The following RANBP2 variants were observed in gnomAD, a reference collection of about 807,000 sequenced individuals.
RANBP2 encodes the protein RAN binding protein 2.
Under a neutral mutation model 303.6 loss-of-function variants are expected in RANBP2, and 57 were observed. The observed-to-expected ratio is 0.19, with a 90% CI of 0.15 to 0.23. The LOEUF (loss-of-function observed/expected upper bound fraction) is 0.23, where lower values mean the gene tolerates loss of function less well. RANBP2 is among the 10% of genes least tolerant of loss of function. The pLI, the probability that RANBP2 is intolerant of heterozygous loss-of-function variation, is 1.00. For missense variants in RANBP2, 3,138 were observed against 3,780.8 expected (o/e 0.83, Z 4.46); for synonymous variants, 1,167 against 1,301.5 (o/e 0.90, Z 2.23).
chr2:109,719,096 T>TC, the RANBP2 span, among the ~76,000 whole-genome samples: 1 of 103,994 alleles, frequency 9.6e-6, no homozygotes, highest in Non-Finnish European at 2.4e-5. Flanking sequence ...GTGAATTATA[T>TC]CTTTTTTTTT....
At chr2:109,113,465 G>A in the RANBP2 span, among the ~76,000 whole-genome samples, 1 of 152,180 alleles carries the variant, frequency 6.6e-6, no homozygotes, top group Non-Finnish European at 1.5e-5. Context: ...GAATGCTTGT[G>A]ATTTTTGTAC....
chr2:108,910,252 G>A, the RANBP2 span, among the ~76,000 whole-genome samples: 1,138 of 152,322 alleles, frequency 7.5e-3, 21 homozygotes, highest in African/African-American at 0.025. Context: ...GGCCTGACCC[G>A]AGAGCAGCAG....
chr2:109,583,904 T>C, the RANBP2 span, among the ~76,000 whole-genome samples: 2 of 152,128 alleles, frequency 1.3e-5, no homozygotes, highest in African/African-American at 4.8e-5. Context: ...CCAAATACCA[T>C]ATGTTCTCAC....
At chr2:108,854,017 A>T in the RANBP2 span, among the ~76,000 whole-genome samples, 3 of 114,364 alleles carry the variant, frequency 2.6e-5, no homozygotes, top group Non-Finnish European at 3.5e-5. Context: ...TATAATATAT[A>T]ATAAATTTAT....
the RANBP2 span, among the ~76,000 whole-genome samples, chr2:108,905,588 C>T: frequency 6.6e-6 from 1 of 152,154 alleles, no homozygotes; most frequent in Non-Finnish European, 1.5e-5. Context: ...ATGCACCAGG[C>T]TCCACTCCCG....
At chr2:109,724,047 T>C in the RANBP2 span, among the ~76,000 whole-genome samples, 8 of 152,202 alleles carry the variant, frequency 5.3e-5, no homozygotes, top group Non-Finnish European at 1.2e-4. Context: ...TTGCTTGTTT[T>C]TGTCAGGTTT....
chr2:109,005,261 T>C, the RANBP2 span, among the ~76,000 whole-genome samples: 1 of 152,214 alleles, frequency 6.6e-6, no homozygotes, highest in Non-Finnish European at 1.5e-5. Context: ...TCCAGACTAA[T>C]CTTTCTAAAA....
At chr2:109,464,159 C>T in the RANBP2 span, among the ~76,000 whole-genome samples, 1 of 152,178 alleles carries the variant, frequency 6.6e-6, no homozygotes, top group Non-Finnish European at 1.5e-5. Context: ...GACAAGAGCT[C>T]ACCACTTAAT....
the RANBP2 span, chr2:109,553,083 T>A: frequency 6.2e-7 from 1 of 1,611,434 alleles, no homozygotes; most frequent in Non-Finnish European, 8.5e-7. Flanking sequence ...ACCAGCATAC[T>A]TGCCTCTCTC....
downstream of RANBP2, chr2:108,786,879 A>G (rs1678868693): frequency 5.1e-6 from 8 of 1,572,632 alleles, no homozygotes; most frequent in South Asian, 1.2e-5. Flanking sequence ...AGAGTCTCAA[A>G]AGCCGCTACG....
the RANBP2 span, among the ~76,000 whole-genome samples, chr2:109,369,232 C>T: frequency 2.6e-5 from 4 of 151,418 alleles, no homozygotes; most frequent in South Asian, 8.3e-4. Context: ...CCTGTAGTCC[C>T]AGCTACTCTA....
chr2:109,443,898 G>A, the RANBP2 span, among the ~76,000 whole-genome samples: 4 of 152,300 alleles, frequency 2.6e-5, no homozygotes, highest in Non-Finnish European at 5.9e-5. Flanking sequence ...TGACTTAGTT[G>A]ACGTTTGTGA....
At chr2:108,838,219 C>T in the RANBP2 span, among the ~76,000 whole-genome samples, 500 of 152,166 alleles carry the variant, frequency 3.3e-3, 1 homozygote, top group African/African-American at 0.011. Context: ...TACTCTAGGC[C>T]GAGCACTTTG....
At chr2:109,761,519 G>A in the RANBP2 span, among the ~76,000 whole-genome samples, 2 of 148,362 alleles carry the variant, frequency 1.3e-5, no homozygotes, top group Non-Finnish European at 3.0e-5. Context: ...TCCGTTTCTC[G>A]GGGATCTCAC....
At chr2:109,549,731 T>C in the RANBP2 span, among the ~76,000 whole-genome samples, 4 of 152,172 alleles carry the variant, frequency 2.6e-5, no homozygotes, top group Admixed American at 6.5e-5. Flanking sequence ...CCATACCCTA[T>C]GTTTTTTCCT....
chr2:109,137,939 C>T, the RANBP2 span, among the ~76,000 whole-genome samples: 5 of 152,324 alleles, frequency 3.3e-5, no homozygotes, highest in African/African-American at 9.6e-5. Context: ...CAGGCCAGGC[C>T]GACTTCTGGA....
the RANBP2 span, among the ~76,000 whole-genome samples, chr2:109,011,703 A>G: frequency 4.6e-5 from 7 of 152,128 alleles, no homozygotes; most frequent in Non-Finnish European, 1.5e-5. Context: ...TTTGTTTGTT[A>G]GTCTTTTTCC....
chr2:108,838,099 G>T, the RANBP2 span, among the ~76,000 whole-genome samples: 1 of 151,952 alleles, frequency 6.6e-6, no homozygotes, highest in South Asian at 2.1e-4. Flanking sequence ...CTCTAGGGGT[G>T]GTCCCTAGTG....
At chr2:108,734,526 T>G in intron 4 of RANBP2, among the ~76,000 whole-genome samples, 1 of 151,758 alleles carries the variant, frequency 6.6e-6, no homozygotes, top group Non-Finnish European at 1.5e-5. Context: ...TGAAGGGATC[T>G]GTAAGCAAAC....
Sources: gnomAD v4.1 joint callset for allele counts (sites outside exome capture counted in the v4.1 genomes callset) on GRCh38, gnomAD v4.1.1 for gene constraint, MANE v1.5 for transcripts, NCBI Gene and HGNC (gene_info 2026-07-23, HGNC 2026-07-21) for gene names.